KCND2: variants seen among roughly 807,000 people sequenced by gnomAD.
The protein encoded by KCND2 is A-type voltage-gated potassium channel KCND2.
Under a neutral mutation model 54.4 loss-of-function variants are expected in KCND2, and 16 were observed. The observed-to-expected ratio is 0.29, with a 90% CI of 0.20 to 0.45. KCND2 has a LOEUF of 0.45. Among genes scored for constraint, KCND2 ranks in the 20% least tolerant of loss-of-function variants. The pLI, the probability that KCND2 is intolerant of heterozygous loss-of-function variation, is 1.00. For synonymous variants in KCND2, 317 were observed against 310.7 expected (o/e 1.02, Z -0.21); for missense variants, 486 against 824.2 (o/e 0.59, Z 5.02).
intron 1 of KCND2, among the ~76,000 whole-genome samples, chr7:120,352,676 T>C (rs1380295268): frequency 6.6e-6 from 1 of 152,180 alleles, no homozygotes; most frequent in African/African-American, 2.4e-5. Context: ...AGCAGGGTAA[T>C]CTTGTTATAC....
chr7:120,741,780 A>G, intron 3 of KCND2, 151 bp downstream of exon 3: 2 of 703,726 alleles, frequency 2.8e-6, no homozygotes, highest in Admixed American at 4.2e-5. Context: ...TAATAACTTC[A>G]CCCTGTACAT....
Position 120,663,125 on chromosome 7 carries a change from G to A in KCND2, c.1116-69778G>A, listed in dbSNP as rs143405069. On this transcript the variant is annotated intron_variant, in intron 1 of 5. Transcript: ENST00000331113. ...ACATTTGTACCATGTAGCGGTACAT[G>A]GTAGGTTGAACGTAATTTAATTTCT... Among the ~76,000 whole-genome samples, 15 of 152,202 alleles carry A rather than the reference G, an allele frequency of 9.9e-5. No homozygotes were observed. The East Asian group carries it at 2.9e-3, about 29-fold the overall frequency.
intron 1 of KCND2, among the ~76,000 whole-genome samples, chr7:120,397,972 AGTGTGTGTGTGT>A (rs372421333): frequency 1.8e-5 from 2 of 109,610 alleles, no homozygotes; most frequent in Non-Finnish European, 3.7e-5. Flanking sequence ...TGTGTATATA[AGTGTGTGTGTGT>A]GTGTGTGTGT....
intron 1 of KCND2, among the ~76,000 whole-genome samples, chr7:120,279,742 G>A (rs1799235638): frequency 6.6e-6 from 1 of 151,846 alleles, no homozygotes; most frequent in Non-Finnish European, 1.5e-5. Context: ...TCATAGCGAT[G>A]TATCAGGGAA....
chr7:120,491,963 T>G (rs111499034), intron 1 of KCND2, among the ~76,000 whole-genome samples: 326 of 152,278 alleles, frequency 2.1e-3, no homozygotes, highest in Admixed American at 5.2e-3. Flanking sequence ...CTAATCAAAC[T>G]TTTAATTGAC....
chr7:120,470,063 A>G (rs1050039793), intron 1 of KCND2, among the ~76,000 whole-genome samples: 1 of 152,098 alleles, frequency 6.6e-6, no homozygotes, highest in Non-Finnish European at 1.5e-5. Context: ...TCACTTGCTT[A>G]GTACTGAGCA....
intron 1 of KCND2, among the ~76,000 whole-genome samples, chr7:120,614,161 C>T (rs759819948): frequency 1.3e-4 from 20 of 152,050 alleles, no homozygotes; most frequent in South Asian, 8.3e-4. Context: ...TACAGGTGCC[C>T]GCCACCACGC....
chr7:120,678,372 TAC>T lies in KCND2; in HGVS notation c.1116-54530_1116-54529del, dbSNP rs1554385188. Among the ~76,000 whole-genome samples the T allele has an allele frequency of 1.6e-3, 218 of 133,498 alleles. 2 individuals are homozygous for T. The highest frequency in any genetic ancestry group is 0.011 in the East Asian group (44 of 3,958). The allele number at this position is 133,498 out of a possible 152,430, so 87.6% of individuals were successfully genotyped here. On this transcript the variant is annotated intron_variant, in intron 1 of 5. Transcript: ENST00000331113. ...ATATATATATATATATATATATATA[TAC>T]GCACACACACATATATAGACACATA... is the stretch of plus-strand genomic sequence containing the variant.
chr7:120,571,509 G>A (rs1792365595), intron 1 of KCND2, among the ~76,000 whole-genome samples: 1 of 152,172 alleles, frequency 6.6e-6, no homozygotes, highest in South Asian at 2.1e-4. Flanking sequence ...TTACTGCATT[G>A]AGGATATCTT....
chr7:120,346,508 G>A (rs968706181), intron 1 of KCND2, among the ~76,000 whole-genome samples: 1 of 152,118 alleles, frequency 6.6e-6, no homozygotes, highest in Non-Finnish European at 1.5e-5. Context: ...AAGTCCATAA[G>A]CCCAGGACAG....
chr7:120,463,669 A>G (rs1390546522), intron 1 of KCND2, among the ~76,000 whole-genome samples: 1 of 152,124 alleles, frequency 6.6e-6, no homozygotes, highest in Non-Finnish European at 1.5e-5. Context: ...TGATTTGCAG[A>G]AAGAAGCAAA....
chr7:120,431,913 G>C lies in KCND2; in HGVS notation c.1115+156166G>C, dbSNP rs564274444. Among the ~76,000 whole-genome samples the C allele has an allele frequency of 2.7e-4, 41 of 152,036 alleles. No individual in the cohort carries two copies. In the East Asian group the frequency reaches 7.2e-3, roughly 27 times the overall value. ...CATACTCTACTGTTTCTGAAACCTTGGATATGTGTAGTAGTAGTAGGATTA... is the reference window on the plus strand; with the variant it reads ...CATACTCTACTGTTTCTGAAACCTTCGATATGTGTAGTAGTAGTAGGATTA... On this transcript the variant is annotated intron_variant, in intron 1 of 5. Transcript: ENST00000331113.
At chr7:120,628,563 G>A (rs1793189694) in intron 1 of KCND2, among the ~76,000 whole-genome samples, 1 of 152,302 alleles carries the variant, frequency 6.6e-6, no homozygotes, top group Non-Finnish European at 1.5e-5. Flanking sequence ...GATTTGAGAG[G>A]AGGTTCAATA....
intron 1 of KCND2, among the ~76,000 whole-genome samples, chr7:120,419,072 A>G (rs529115204): frequency 8.5e-5 from 13 of 152,304 alleles, no homozygotes; most frequent in South Asian, 2.1e-4. Flanking sequence ...TTTAAAATAT[A>G]TATATATAAT....
intron 1 of KCND2, among the ~76,000 whole-genome samples, chr7:120,587,942 C>G (rs985015318): frequency 2.0e-5 from 3 of 152,108 alleles, no homozygotes; most frequent in African/African-American, 7.2e-5. Flanking sequence ...TGTTTAGAAT[C>G]CTGGGGTCTT....
chr7:120,404,653 AC>A (rs777300858), intron 1 of KCND2, among the ~76,000 whole-genome samples: 6 of 152,120 alleles, frequency 3.9e-5, no homozygotes, highest in Non-Finnish European at 8.8e-5. Flanking sequence ...AGGGTTCTAA[AC>A]CCAGCTTTGC....
At position 120,675,855 on chromosome 7, in the gene KCND2, C is replaced by CTTTTTTTTTTTTTTT. The variant is rs58226731; in HGVS notation, c.1116-57042_1116-57028dup. On this transcript the variant is annotated intron_variant, in intron 1 of 5. Coordinates refer to ENST00000331113, the MANE Select transcript of KCND2 (RefSeq NM_012281.3). ...GTGTCTTCCTACTTGTCTTTCTATTCTTTTTTTTTTTTTTTTTTTTGAGAC... is the reference window on the plus strand; with the variant it reads ...GTGTCTTCCTACTTGTCTTTCTATTCTTTTTTTTTTTTTTTTTTTTTTTTTTTTTTTTTTTGAGAC... Among the ~76,000 whole-genome samples the CTTTTTTTTTTTTTTT allele has an allele frequency of 2.5e-5, 3 of 121,548 alleles. No individual in the cohort carries two copies. The Admixed American group carries it at 2.5e-4, about 10-fold the overall frequency. The allele number at this position is 121,548 out of a possible 152,430, so 79.7% of individuals were successfully genotyped here. A position where few individuals can be genotyped will look rare whatever the true frequency, so the allele number is the denominator to read the frequency against.
chr7:120,678,346 TATATATA>T (rs1792093133), intron 1 of KCND2, among the ~76,000 whole-genome samples: 2 of 45,834 alleles, frequency 4.4e-5, no homozygotes, highest in Admixed American at 4.6e-4. Flanking sequence ...TGATTATTTA[TATATATA>T]TATATATATA....
chr7:120,729,737 C>A (rs1397218033), intron 1 of KCND2, among the ~76,000 whole-genome samples: 1 of 152,192 alleles, frequency 6.6e-6, no homozygotes, highest in Admixed American at 6.6e-5. Flanking sequence ...CAGTCCTGCC[C>A]AGTCCTTGCA....
Sources: gnomAD v4.1 joint callset for allele counts (sites outside exome capture counted in the v4.1 genomes callset) on GRCh38, gnomAD v4.1.1 for gene constraint, MANE v1.5 for transcripts, NCBI Gene and HGNC (gene_info 2026-07-23, HGNC 2026-07-21) for gene names.